The following PTPRD variants were observed in gnomAD, a reference collection of about 807,000 sequenced individuals.
The protein encoded by PTPRD is protein tyrosine phosphatase receptor type D.
PTPRD carries 34 observed loss-of-function variants against 214.5 expected under a neutral mutation model. The observed-to-expected ratio is 0.16, with a 90% CI of 0.12 to 0.21. The LOEUF (loss-of-function observed/expected upper bound fraction) is 0.21. Ranked by LOEUF, PTPRD falls within the 10% of genes least tolerant of loss-of-function variation. The probability of loss-of-function intolerance (pLI) is 1.00; values close to 1 mark genes in which losing one functional copy is unlikely to be tolerated. For synonymous variants in PTPRD, 1,128 were observed against 845.7 expected, an observed-to-expected ratio of 1.33 and a Z score of -5.79; for missense variants, 2,545 against 2,398.7, an observed-to-expected ratio of 1.06 and a Z score of -1.27.
intron 9 of PTPRD, among the ~76,000 whole-genome samples, chr9:9,260,306 T>A (rs532036844): frequency 1.8e-4 from 27 of 151,964 alleles, no homozygotes; most frequent in African/African-American, 5.8e-4. Flanking sequence ...CACATGATCT[T>A]GACTCCAAAG....
intron 7 of PTPRD, among the ~76,000 whole-genome samples, chr9:9,720,780 G>GAT (rs1241473378): frequency 3.3e-5 from 5 of 151,368 alleles, no homozygotes; most frequent in South Asian, 4.2e-4. Flanking sequence ...AATAAAATGC[G>GAT]ATATATATAC....
intron 9 of PTPRD, among the ~76,000 whole-genome samples, chr9:9,195,906 C>G (rs1593328245): frequency 6.6e-6 from 1 of 152,092 alleles, no homozygotes; most frequent in African/African-American, 2.4e-5. Flanking sequence ...ACAAAGGCTA[C>G]ATAAATGCTG....
intron 2 of PTPRD, among the ~76,000 whole-genome samples, chr9:10,410,276 C>T (rs1002044372): frequency 1.2e-5 from 1 of 84,712 alleles, no homozygotes; most frequent in Non-Finnish European, 2.8e-5. Flanking sequence ...TATATACACA[C>T]ACACACACAA....
chr9:9,461,507 A>G (rs2145909085), intron 8 of PTPRD, among the ~76,000 whole-genome samples: 1 of 152,216 alleles, frequency 6.6e-6, no homozygotes, highest in East Asian at 1.9e-4. Flanking sequence ...AAAAACAAAC[A>G]CACGATATAC....
chr9:9,185,832 C>G (rs982885811), intron 9 of PTPRD, among the ~76,000 whole-genome samples: 10 of 151,780 alleles, frequency 6.6e-5, no homozygotes, highest in African/African-American at 2.2e-4. Flanking sequence ...GTTAAAGACA[C>G]CTCTTACAGG....
intron 8 of PTPRD, among the ~76,000 whole-genome samples, chr9:9,519,440 C>T (rs534836025): frequency 6.6e-6 from 1 of 151,760 alleles, no homozygotes; most frequent in African/African-American, 2.4e-5. Flanking sequence ...CTAAGAAAAT[C>T]CTGAAAGCCT....
chr9:9,865,640 G>C (rs1437444726), intron 5 of PTPRD, among the ~76,000 whole-genome samples: 1 of 152,072 alleles, frequency 6.6e-6, no homozygotes, highest in African/African-American at 2.4e-5. Flanking sequence ...AATGGACTAA[G>C]ACAATAATGG....
intron 11 of PTPRD, among the ~76,000 whole-genome samples, chr9:8,922,052 T>G (rs1567015470): frequency 6.6e-6 from 1 of 152,118 alleles, no homozygotes; most frequent in African/African-American, 2.4e-5. Context: ...GATTAGTGGT[T>G]AACATCAAAT....
At chr9:8,325,919 T>G (rs1177448447) in intron 44 of PTPRD, among the ~76,000 whole-genome samples, 1 of 152,214 alleles carries the variant, frequency 6.6e-6, no homozygotes, top group African/African-American at 2.4e-5. Context: ...ACATTGATTT[T>G]GTATCCTGAG....
chr9:10,543,942 T>C (rs2059682161), intron 2 of PTPRD, among the ~76,000 whole-genome samples: 1 of 152,108 alleles, frequency 6.6e-6, no homozygotes, highest in African/African-American at 2.4e-5. Context: ...TGATTGAAGG[T>C]AGAGGAGGGC....
rs1569429104 is a variant in PTPRD, at chr9:9,019,319, A to AG, written c.-142-585dup. On this transcript the variant is annotated intron_variant, in intron 10 of 45. Transcript: ENST00000381196. ...AAGAAAGAAAGAAAGAAAGAAAGAA[A>AG]GAAAGAAAGAAAGAAAGAACGAAAG... Among the ~76,000 whole-genome samples, 284 of 113,818 alleles carry AG rather than the reference A, an allele frequency of 2.5e-3. 1 individual carries two copies. The highest frequency in any genetic ancestry group is 4.0e-3 in the Non-Finnish European group (227 of 56,050). 74.7% of individuals were successfully genotyped at this position (113,818 alleles called of 152,430 possible). A position where few individuals can be genotyped will look rare whatever the true frequency, so the allele number is the denominator to read the frequency against.
chr9:8,499,058 A>T (rs1176293632), intron 25 of PTPRD, among the ~76,000 whole-genome samples: 2 of 152,104 alleles, frequency 1.3e-5, no homozygotes, highest in African/African-American at 4.8e-5. Context: ...CAACGTAAGG[A>T]TCCCACTTAT....
Position 8,484,341 on chromosome 9 carries a change from T to C in PTPRD, c.3191A>G (p.Asp1064Gly), listed in dbSNP as rs1591684155. The change falls in exon 30 of 46, where the codon GAT becomes GGT. Residue 1064 changes from aspartate to glycine, a missense_variant. By Grantham distance (94) the Asp-to-Gly change is moderately conservative. Coordinates refer to ENST00000381196, the MANE Select transcript of PTPRD (RefSeq NM_002839.4). The stretch of plus-strand genomic sequence containing the variant: ...AATTAACTTCTGTGTGGCTCGGCCA[T>C]CCACTTCTTCTACCATTTTCCCATC... The part of the protein sequence containing the change: ...YDDGKMVEEV[D>G]GRATQKLIVN... 6.2e-7 allele frequency: 1 copy of C among 1,614,016 alleles called. No homozygotes were observed. Among genetic ancestry groups the C allele is most frequent in the Non-Finnish European group, 8.5e-7 (1 of 1,179,988 alleles).
At chr9:10,258,736 G>C (rs572663811) in intron 3 of PTPRD, among the ~76,000 whole-genome samples, 1 of 151,276 alleles carries the variant, frequency 6.6e-6, no homozygotes, top group African/African-American at 2.4e-5. Context: ...GTCAGGTATC[G>C]TTTTGTATCT....
chr9:8,497,141 T>C, intron 26 of PTPRD, 101 bp downstream of exon 26: 1 of 1,042,054 alleles, frequency 9.6e-7, no homozygotes, highest in Non-Finnish European at 1.4e-6. Flanking sequence ...AGTTCATGCA[T>C]CCAAGCAAAC....
chr9:10,503,202 A>AAAAAC (rs1555437224), intron 2 of PTPRD, among the ~76,000 whole-genome samples: 103 of 133,092 alleles, frequency 7.7e-4, no homozygotes, highest in African/African-American at 3.3e-3. Flanking sequence ...ACAAAAAAAA[A>AAAAAC]AAAAACAAAA....
At position 9,891,207 on chromosome 9, in the gene PTPRD, C is replaced by A. The variant is rs79143150; in HGVS notation, c.-368+47300G>T. ...ACATCTCCTGTTCTCTTCTCCCATC[C>A]AACTCAGATTTAACTTTCCCAGTGG... On this transcript the variant is annotated intron_variant, in intron 5 of 45. Coordinates refer to ENST00000381196, the MANE Select transcript of PTPRD (RefSeq NM_002839.4). Among the ~76,000 whole-genome samples the A allele has an allele frequency of 5.9e-3, 903 of 152,162 alleles. 9 individuals are homozygous for A. The highest frequency in any genetic ancestry group is 0.021 in the African/African-American group (868 of 41,524).
intron 9 of PTPRD, among the ~76,000 whole-genome samples, chr9:9,246,435 G>C (rs2099973090): frequency 1.3e-5 from 2 of 151,972 alleles, no homozygotes; most frequent in African/African-American, 2.4e-5. Context: ...GGGCTGCTTA[G>C]AAAAGTTCAC....
At chr9:9,657,104 T>C (rs990856394) in intron 7 of PTPRD, among the ~76,000 whole-genome samples, 4 of 152,214 alleles carry the variant, frequency 2.6e-5, no homozygotes, top group East Asian at 3.9e-4. Context: ...TCACACACAA[T>C]ATGTACTTGG....
Sources: allele counts gnomAD v4.1 joint callset (sites outside exome capture counted in the v4.1 genomes callset), GRCh38; gene constraint gnomAD v4.1.1; transcripts MANE v1.5; gene names NCBI Gene and HGNC (gene_info 2026-07-23, HGNC 2026-07-21).